The following ELFN2 variants were observed in gnomAD, a reference collection of about 807,000 sequenced individuals.
The protein encoded by ELFN2 is protein phosphatase 1 regulatory subunit 29.
ELFN2 carries 17 observed loss-of-function variants against 45.5 expected under a neutral mutation model. The observed-to-expected ratio is 0.37, with a 90% CI of 0.26 to 0.56. The LOEUF (loss-of-function observed/expected upper bound fraction) is 0.56, where lower values mean the gene tolerates loss of function less well. ELFN2 is among the 20% of genes least tolerant of loss of function. The pLI is 0.77. For synonymous variants in ELFN2, 550 were observed against 551.5 expected, an observed-to-expected ratio of 1.00 and a Z score of 0.04; for missense variants, 922 against 1,183.2, an observed-to-expected ratio of 0.78 and a Z score of 3.24.
At chr22:37,355,177 TG>T (rs1422271224) in intron 1 of ELFN2, among the ~76,000 whole-genome samples, 1 of 152,168 alleles carries the variant, frequency 6.6e-6, no homozygotes, top group Non-Finnish European at 1.5e-5. Context: ...TGCTAGCCAG[TG>T]GGAGGTTTTC....
rs187160159 is a variant in ELFN2, at chr22:37,393,273, C to T, written c.-462-17277G>A. 1.7e-3 allele frequency among the ~76,000 whole-genome samples: 257 copies of T among 152,330 alleles called. 1 individual carries two copies. The highest frequency in any genetic ancestry group is 3.4e-3 in the Middle Eastern group (1 of 294). ...TGTCTTTTCTTGGACTCACGTAATC[C>T]CTCCCCAGAATGGAAGCCGATCCTC... On this transcript the variant is annotated intron_variant, in intron 2 of 2. Transcript: ENST00000402918.
chr22:37,374,591 ATG>A lies in ELFN2; in HGVS notation c.942_943del (p.Ile315ProfsTer41). 1 of 1,614,148 alleles carries A rather than the reference ATG, an allele frequency of 6.2e-7. No individual in the cohort carries two copies. Among genetic ancestry groups the A allele is most frequent in the Non-Finnish European group, 8.5e-7 (1 of 1,180,024 alleles). On this transcript the variant is annotated frameshift_variant, in exon 3 of 3. Coordinates refer to ENST00000402918, the MANE Select transcript of ELFN2 (RefSeq NM_052906.5). LOFTEE classifies it high-confidence loss of function. Reference sequence around the variant, plus strand: ...GTACATCTTGCTGTAGGGGTGTGGGATGATGACCACCAGGGTGGCCGAGGTGA... The same window carrying A: ...GTACATCTTGCTGTAGGGGTGTGGGAATGACCACCAGGGTGGCCGAGGTGA...
intron 2 of ELFN2, among the ~76,000 whole-genome samples, chr22:37,416,919 G>A (rs1420261105): frequency 6.6e-6 from 1 of 151,926 alleles, no homozygotes; most frequent in East Asian, 1.9e-4. Flanking sequence ...CCGCACCTTG[G>A]AGATAGCATC....
chr22:37,355,757 A>T (rs901416008), intron 1 of ELFN2, among the ~76,000 whole-genome samples: 2 of 152,114 alleles, frequency 1.3e-5, no homozygotes, highest in Admixed American at 6.5e-5. Context: ...CACCGAGTGA[A>T]CTCAGCAAGA....
rs1269255261 is a variant in ELFN2 at position 37,371,358 on chromosome 22, C to T, written c.*1714G>A. ...GGGCCACAGGCCCTAGACTGGGGGT[C>T]TCTGGCAGGGGCGTGGGGAGAGCCG... On this transcript the variant is annotated 3_prime_UTR_variant, in exon 3 of 3. Coordinates refer to ENST00000402918, the MANE Select transcript of ELFN2 (RefSeq NM_052906.5). This position sits in a 1 kb window ranked among gnomAD's most constrained non-coding sequence, Gnocchi z 6.4. 6.6e-6 allele frequency: 1 copy of T among 152,262 alleles called. No homozygotes were observed. The highest frequency in any genetic ancestry group is 6.5e-5 in the Admixed American group (1 of 15,282). 9.4% of individuals were successfully genotyped at this position (152,262 alleles called of 1,614,324 possible). A position where few individuals can be genotyped will look rare whatever the true frequency, so the allele number is the denominator to read the frequency against.
chr22:37,373,644 C>G lies in ELFN2; in HGVS notation c.1891G>C (p.Val631Leu). 1 of 1,590,430 alleles carries G rather than the reference C, an allele frequency of 6.3e-7. No individual in the cohort carries two copies. The highest frequency in any genetic ancestry group is 1.8e-5 in the Admixed American group (1 of 55,768). Residue 631 changes from valine to leucine, a missense_variant, in exon 3 of 3, where the codon GTG becomes CTG. Physicochemically the swap from Val to Leu is conservative, Grantham distance 32 (BLOSUM62 1). Coordinates refer to ENST00000402918, the MANE Select transcript of ELFN2 (RefSeq NM_052906.5). ...CTCTTGATGGAACCACTGGACGACA[C>G]GCTGCAGGTCTTGCGGGTCACGGCC... The part of the protein sequence containing the change: ...DAAVTRKTCS[V>L]SSSGSIKSAK...
chr22:37,404,857 C>T (rs986013897), intron 2 of ELFN2, among the ~76,000 whole-genome samples: 11 of 152,288 alleles, frequency 7.2e-5, no homozygotes, highest in Admixed American at 3.3e-4. Context: ...CCTCTCTGAG[C>T]CTCAACTTCC....
chr22:37,399,605 TCTCCCACCTCCACC>T (rs1201923377), intron 2 of ELFN2, among the ~76,000 whole-genome samples: 3 of 127,110 alleles, frequency 2.4e-5, no homozygotes, highest in Admixed American at 7.7e-5. Flanking sequence ...CCAGCCCACC[TCTCCCACCTCCACC>T]GACCACGGGG....
intron 2 of ELFN2, among the ~76,000 whole-genome samples, chr22:37,383,471 G>A (rs1931845518): frequency 6.6e-6 from 1 of 152,178 alleles, no homozygotes; most frequent in Admixed American, 6.5e-5. Flanking sequence ...GCTGCTCTGG[G>A]TCCCGGGGGA....
intron 2 of ELFN2, among the ~76,000 whole-genome samples, chr22:37,412,179 T>C (rs1482875361): frequency 6.9e-6 from 1 of 144,882 alleles, no homozygotes; most frequent in African/African-American, 2.7e-5. Context: ...ACCTGGTCTC[T>C]ACTAAAAATA....
intron 2 of ELFN2, among the ~76,000 whole-genome samples, chr22:37,376,888 A>G (rs1280185458): frequency 1.3e-5 from 2 of 152,240 alleles, no homozygotes; most frequent in Non-Finnish European, 2.9e-5. Flanking sequence ...CTGGAGAGTC[A>G]GAGGCCCAGA....
chr22:37,344,281 A>C (rs142659937), intron 1 of ELFN2, among the ~76,000 whole-genome samples: 1 of 143,308 alleles, frequency 7.0e-6, no homozygotes, highest in Non-Finnish European at 1.5e-5. Flanking sequence ...GGCAGCCACC[A>C]ACCCTCCCAC....
chr22:37,422,572 G>A (rs886998903), intron 1 of ELFN2, among the ~76,000 whole-genome samples: 5 of 151,848 alleles, frequency 3.3e-5, no homozygotes, highest in African/African-American at 1.2e-4. Context: ...GGGTGTGGTG[G>A]TGTGTGCCTG....
Position 37,355,640 on chromosome 22 carries a change from C to G in ELFN2, n.149-12937G>C, listed in dbSNP as rs1354671079. 4.6e-5 allele frequency among the ~76,000 whole-genome samples: 7 copies of G among 152,356 alleles called. No homozygotes were observed. The East Asian group carries it at 1.3e-3, about 29-fold the overall frequency. ...AAGTGTTGCCAGGAGCCCCAGCAGA[C>G]ATCTTCTACACTCAAGTATCAGCTC... On this transcript the variant is annotated intron_variant and non_coding_transcript_variant, in intron 1 of 2. Coordinates refer to ENST00000452946, the Ensembl canonical transcript of ELFN2.
chr22:37,415,786 C>T (rs1223699876), intron 2 of ELFN2, among the ~76,000 whole-genome samples: 6 of 152,092 alleles, frequency 3.9e-5, no homozygotes, highest in Admixed American at 3.9e-4. Context: ...CACCGTGAAA[C>T]TCCATCTCTA....
Position 37,375,617 on chromosome 22 carries a change from C to A in ELFN2, c.-83G>T. The A allele has an allele frequency of 7.0e-7, 1 of 1,437,242 alleles. No homozygotes were observed. The highest frequency in any genetic ancestry group is 2.8e-5 in the Admixed American group (1 of 35,742). The allele number at this position is 1,437,242 out of a possible 1,614,324, so 89.0% of individuals were successfully genotyped here. A position where few individuals can be genotyped will look rare whatever the true frequency, so the allele number is the denominator to read the frequency against. On this transcript the variant is annotated 5_prime_UTR_variant, in exon 3 of 3. In the 5' UTR this introduces an upstream ATG that the reference lacks. Coordinates refer to ENST00000402918, the MANE Select transcript of ELFN2 (RefSeq NM_052906.5). ...GCTGGGGCTGGCAGTACAGTCCTCC[C>A]TGGGGCCGCCACCATCTTGGGGGCG...
intron 2 of ELFN2, among the ~76,000 whole-genome samples, chr22:37,385,971 T>C (rs967304703): frequency 2.0e-5 from 3 of 152,160 alleles, no homozygotes; most frequent in Admixed American, 6.5e-5. Context: ...CTTTAAGCTG[T>C]CCTGACCCTC....
chr22:37,346,986 T>C, intron 1 of ELFN2, among the ~76,000 whole-genome samples: 1 of 47,182 alleles, frequency 2.1e-5, no homozygotes, highest in East Asian at 3.5e-4. Flanking sequence ...TCATTATTAT[T>C]TTTTTTTTTG....
At chr22:37,422,302 C>A (rs1007243461) in intron 1 of ELFN2, among the ~76,000 whole-genome samples, 1 of 152,072 alleles carries the variant, frequency 6.6e-6, no homozygotes, top group Non-Finnish European at 1.5e-5. Context: ...GCATGCCAGA[C>A]AGGATGTTAT....
Sources: gnomAD v4.1 joint callset for allele counts (sites outside exome capture counted in the v4.1 genomes callset) on GRCh38, gnomAD v4.1.1 for gene constraint, Gnocchi (gnomAD v3.1) non-coding constraint, MANE v1.5 for transcripts, NCBI Gene and HGNC (gene_info 2026-07-23, HGNC 2026-07-21) for gene names.